Variants in TEKT3 observed in about 807,000 individuals in gnomAD.
The protein encoded by TEKT3 is tektin 3.
Under a neutral mutation model 49.8 loss-of-function variants are expected in TEKT3, and 49 were observed. That is an observed-to-expected ratio of 0.98 (90% CI 0.78 to 1.25). The LOEUF (loss-of-function observed/expected upper bound fraction) is 1.25, where lower values mean the gene tolerates loss of function less well. Ranked by LOEUF, TEKT3 falls within the 50% of genes most tolerant of loss-of-function variation. TEKT3 has a pLI of 0.00. For synonymous variants in TEKT3, 225 were observed against 237.2 expected (o/e 0.95, Z 0.47); for missense variants, 595 against 629.5 (o/e 0.95, Z 0.59).
intron 8 of TEKT3, among the ~76,000 whole-genome samples, chr17:15,306,089 ATG>A (rs58688985): frequency 0.08 from 11,547 of 144,242 alleles, 685 homozygotes; most frequent in African/African-American, 0.16. Flanking sequence ...ATTTATATAT[ATG>A]TGTGTGTGTG....
At chr17:15,325,830 C>G (rs1911466387) in intron 4 of TEKT3, among the ~76,000 whole-genome samples, 1 of 152,142 alleles carries the variant, frequency 6.6e-6, no homozygotes, top group African/African-American at 2.4e-5. Flanking sequence ...GTTAGGATGA[C>G]AAAGTAGGTG....
chr17:15,320,353 G>A (rs986569013), intron 4 of TEKT3, among the ~76,000 whole-genome samples: 1 of 152,034 alleles, frequency 6.6e-6, no homozygotes, highest in Non-Finnish European at 1.5e-5. Context: ...TTATAAACAT[G>A]TTTAAAATTC....
intron 8 of TEKT3, 138 bp downstream of exon 8, chr17:15,308,526 A>C: frequency 8.5e-7 from 1 of 1,178,432 alleles, no homozygotes; most frequent in Admixed American, 2.3e-5. Flanking sequence ...TGCATTCAAC[A>C]TCTCCCCATT....
chr17:15,316,155 G>A (rs958077378), intron 5 of TEKT3, among the ~76,000 whole-genome samples: 32 of 152,238 alleles, frequency 2.1e-4, no homozygotes, highest in Non-Finnish European at 1.9e-4. Flanking sequence ...TCTTGCCTTA[G>A]GTGATTATGC....
upstream of TEKT3, among the ~76,000 whole-genome samples, chr17:15,343,442 C>T (rs1482217610): frequency 2.0e-5 from 3 of 152,134 alleles, no homozygotes; most frequent in East Asian, 1.9e-4. Flanking sequence ...TTTTACAGTA[C>T]GATAGAGACC....
At chr17:15,339,761 T>C (rs1912145441) in intron 2 of TEKT3, among the ~76,000 whole-genome samples, 1 of 152,244 alleles carries the variant, frequency 6.6e-6, no homozygotes, top group African/African-American at 2.4e-5. Flanking sequence ...CTTTAGTTCC[T>C]TTGTAGCCAC....
chr17:15,323,436 CAAAGTCCAAG>C (rs548173001), intron 4 of TEKT3, among the ~76,000 whole-genome samples: 24,172 of 152,036 alleles, frequency 0.16, 2,037 homozygotes, highest in African/African-American at 0.22. Flanking sequence ...CATTTGGCTC[CAAAGTCCAAG>C]GAGTCAGTAC....
At chr17:15,318,317 A>G (rs1163305043) in intron 5 of TEKT3, among the ~76,000 whole-genome samples, 2 of 152,094 alleles carry the variant, frequency 1.3e-5, no homozygotes, top group Admixed American at 1.3e-4. Context: ...TTAAGGAGGT[A>G]TGGAAGATAA....
At chr17:15,339,360 CAT>C (rs1597423985) in intron 2 of TEKT3, among the ~76,000 whole-genome samples, 3 of 152,298 alleles carry the variant, frequency 2.0e-5, no homozygotes, top group African/African-American at 4.8e-5. Context: ...AAAACTAAGA[CAT>C]GTGCCCAAAC....
intron 8 of TEKT3, 54 bp downstream of exon 8, chr17:15,308,610 C>T (rs1910634947): frequency 1.3e-6 from 2 of 1,579,018 alleles, no homozygotes; most frequent in East Asian, 2.3e-5. Flanking sequence ...CCAGGCACCA[C>T]AGTTGGTCTG....
At chr17:15,342,320 C>T (rs1230684775), upstream of TEKT3, among the ~76,000 whole-genome samples, 1 of 152,200 alleles carries the variant, frequency 6.6e-6, no homozygotes, top group Non-Finnish European at 1.5e-5. Context: ...CACTAAAACT[C>T]AAATCAGTCA....
upstream of TEKT3, chr17:15,341,735 C>G (rs1004441154): frequency 1.3e-5 from 2 of 152,244 alleles, no homozygotes; most frequent in African/African-American, 4.8e-5. Flanking sequence ...AGCTGTCAGG[C>G]CAGGAGGGAA....
At chr17:15,343,443 G>A (rs1182963448), upstream of TEKT3, among the ~76,000 whole-genome samples, 3 of 152,092 alleles carry the variant, frequency 2.0e-5, no homozygotes, top group Admixed American at 6.5e-5. Context: ...TTTACAGTAC[G>A]ATAGAGACCT....
intron 3 of TEKT3, among the ~76,000 whole-genome samples, chr17:15,329,762 C>T (rs965191618): frequency 6.6e-6 from 1 of 152,176 alleles, no homozygotes; most frequent in African/African-American, 2.4e-5. Flanking sequence ...AGACTTTCAG[C>T]TCCTTGATTC....
rs749565468 is a variant in TEKT3, at chr17:15,327,992, C to G, written c.663G>C (p.Thr221=). Residue 221 remains threonine, a splice_region_variant and synonymous_variant, in exon 4 of 9, where the codon ACG becomes ACC. Transcript: ENST00000395930. ...VHDEVEAQLL[T]EVDTILCCQE... ...ACTGATGCATTTCCCCCACATTTAC[C>G]GTCAGCAGTTGTGCTTCAACTTCAT... The G allele has an allele frequency of 6.2e-7, 1 of 1,613,476 alleles. No homozygotes were observed. The highest frequency in any genetic ancestry group is 8.5e-7 in the Non-Finnish European group (1 of 1,179,492).
Position 15,304,438 on chromosome 17 carries a change from T to C in TEKT3, c.1257-286A>G, listed in dbSNP as rs962723574. ...TCATTATGCCAAGGCAATTCTATAG[T>C]TTCACAGAAATTCACAACTGGAAAA... On this transcript the variant is annotated intron_variant, in intron 8 of 8. Coordinates refer to ENST00000395930, the MANE Select transcript of TEKT3 (RefSeq NM_031898.3). The surrounding 1 kb of genome is among the most constrained non-coding windows in gnomAD (Gnocchi z 4.7). Among the ~76,000 whole-genome samples, 1 of 152,160 alleles carries C rather than the reference T, an allele frequency of 6.6e-6. No homozygotes were observed. Among genetic ancestry groups the C allele is most frequent in the African/African-American group, 2.4e-5 (1 of 41,428 alleles).
At chr17:15,308,170 TC>T (rs1050665570) in intron 8 of TEKT3, among the ~76,000 whole-genome samples, 9 of 152,216 alleles carry the variant, frequency 5.9e-5, no homozygotes, top group African/African-American at 2.2e-4. Context: ...GTACTGAAAG[TC>T]CCTTTTCTGT....
At chr17:15,335,364 G>A (rs1911937399) in intron 2 of TEKT3, among the ~76,000 whole-genome samples, 2 of 152,206 alleles carry the variant, frequency 1.3e-5, no homozygotes, top group Admixed American at 6.5e-5. Flanking sequence ...AGAGCTGTTA[G>A]CTGAACAATT....
rs144818130 is a variant in TEKT3, at chr17:15,331,248, G to A, written c.338C>T (p.Ser113Phe). 5 of 1,614,208 alleles carry A rather than the reference G, an allele frequency of 3.1e-6. No homozygotes were observed. Among genetic ancestry groups the A allele is most frequent in the Non-Finnish European group, 4.2e-6 (5 of 1,180,046 alleles). ...TCTTAGTTTCTCCGAATTATGTCGG[G>A]AAGTGTTGGACTCTTGATAGTTGGT... ...NLTNYQESNT[S>F]RHNSEKLRVD... Residue 113 changes from serine to phenylalanine, a missense_variant, in exon 3 of 9, where the codon TCC becomes TTC. By Grantham distance (155) the Ser-to-Phe change is radical (BLOSUM62 -2). Coordinates refer to ENST00000395930, the MANE Select transcript of TEKT3 (RefSeq NM_031898.3).
Sources: allele counts gnomAD v4.1 joint callset (sites outside exome capture counted in the v4.1 genomes callset), GRCh38; gene constraint gnomAD v4.1.1; non-coding constraint Gnocchi (gnomAD v3.1); transcripts MANE v1.5; gene names NCBI Gene and HGNC (gene_info 2026-07-23, HGNC 2026-07-21).